The following RMST variants were observed in gnomAD, a reference collection of about 807,000 sequenced individuals.
RMST encodes the protein rhabdomyosarcoma 2 associated transcript.
At chr12:97,524,337 G>T (rs541974270) in intron 10 of RMST, among the ~76,000 whole-genome samples, 1 of 152,138 alleles carries the variant, frequency 6.6e-6, no homozygotes, top group East Asian at 1.9e-4. Context: ...AGTTAGAGAA[G>T]TCCTGGTATA....
intron 5 of RMST, among the ~76,000 whole-genome samples, chr12:97,492,159 C>G (rs1876914994): frequency 6.6e-6 from 1 of 152,180 alleles, no homozygotes; most frequent in Non-Finnish European, 1.5e-5. Context: ...AAGGCAGTAG[C>G]ACTCACTGTT....
At chr12:97,482,580 T>A (rs1324688822) in intron 5 of RMST, among the ~76,000 whole-genome samples, 1 of 149,886 alleles carries the variant, frequency 6.7e-6, no homozygotes, top group East Asian at 1.9e-4. Flanking sequence ...TTAGAAAAAA[T>A]TGATACTCTT....
chr12:97,497,679 A>T (rs1189934727), intron 10 of RMST, among the ~76,000 whole-genome samples: 44 of 143,120 alleles, frequency 3.1e-4, no homozygotes, highest in African/African-American at 9.4e-4. Context: ...CACAAGGATG[A>T]TTTTTTTTTT....
At chr12:97,507,257 G>GT (rs1197266329) in intron 10 of RMST, among the ~76,000 whole-genome samples, 133 of 117,878 alleles carry the variant, frequency 1.1e-3, no homozygotes, top group Admixed American at 3.5e-3. Context: ...GGTTGTTATT[G>GT]TTTTTTTTTT....
At chr12:97,540,935 G>GAAAT (rs1882445794) in intron 11 of RMST, among the ~76,000 whole-genome samples, 3 of 113,028 alleles carry the variant, frequency 2.7e-5, no homozygotes, top group Non-Finnish European at 5.6e-5. Flanking sequence ...AATAGATAGA[G>GAAAT]AGATAGATAG....
chr12:97,473,302 G>A (rs1214791496), intron 5 of RMST, among the ~76,000 whole-genome samples: 1 of 152,036 alleles, frequency 6.6e-6, no homozygotes, highest in Non-Finnish European at 1.5e-5. Context: ...ATGTCATCCT[G>A]TTAGTGATTA....
intron 11 of RMST, among the ~76,000 whole-genome samples, chr12:97,553,420 T>C (rs1002231624): frequency 6.6e-6 from 1 of 152,204 alleles, no homozygotes; most frequent in African/African-American, 2.4e-5. Context: ...GTGGTGCTGT[T>C]GAGCTGTGCA....
At chr12:97,506,726 C>A (rs1309994427) in intron 10 of RMST, among the ~76,000 whole-genome samples, 1 of 145,356 alleles carries the variant, frequency 6.9e-6, no homozygotes, top group African/African-American at 2.6e-5. Context: ...CTCTGTCACC[C>A]AGGGTGGAGT....
intron 6 of RMST, chr12:97,492,654 CA>C (rs1248123745): frequency 1.3e-5 from 2 of 151,954 alleles, no homozygotes; most frequent in Admixed American, 1.3e-4. Context: ...TTTGTTTTTG[CA>C]TTTGTGTTTG....
intron 5 of RMST, among the ~76,000 whole-genome samples, chr12:97,484,241 G>A (rs1297022720): frequency 3.3e-5 from 5 of 152,128 alleles, no homozygotes; most frequent in African/African-American, 1.2e-4. Flanking sequence ...AACCATAAGA[G>A]CTATGCCTGC....
intron 10 of RMST, among the ~76,000 whole-genome samples, chr12:97,512,163 T>A (rs898484778): frequency 2.6e-5 from 4 of 152,152 alleles, no homozygotes; most frequent in Admixed American, 6.5e-5. Context: ...GGAGTGAAGC[T>A]GCAGACTTTC....
At chr12:97,476,898 G>T (rs1205958057) in intron 5 of RMST, among the ~76,000 whole-genome samples, 2 of 152,068 alleles carry the variant, frequency 1.3e-5, no homozygotes, top group Non-Finnish European at 2.9e-5. Flanking sequence ...TATTAAGAAA[G>T]GAATGGAGGA....
intron 11 of RMST, among the ~76,000 whole-genome samples, chr12:97,549,228 G>C (rs1230121521): frequency 6.6e-6 from 1 of 152,182 alleles, no homozygotes; most frequent in Non-Finnish European, 1.5e-5. Context: ...TTTCAGAAAA[G>C]AGTATGTTTT....
chr12:97,494,785 A>G (rs2136459426), exon 9 of RMST: 1 of 152,266 alleles, frequency 6.6e-6, no homozygotes, highest in South Asian at 2.1e-4. Flanking sequence ...ACCAAAGACA[A>G]TGTTCTATAA....
At chr12:97,506,317 G>C (rs1239158380) in intron 10 of RMST, among the ~76,000 whole-genome samples, 3 of 152,012 alleles carry the variant, frequency 2.0e-5, no homozygotes, top group Non-Finnish European at 4.4e-5. Flanking sequence ...TAACATGAGA[G>C]ACATATTGAA....
chr12:97,475,573 G>C (rs74971091), intron 5 of RMST, among the ~76,000 whole-genome samples: 1,668 of 141,212 alleles, frequency 0.012, 30 homozygotes, highest in African/African-American at 0.041. Context: ...ACCCACCTTA[G>C]TATCTTTTTT....
At chr12:97,477,851 C>T (rs139521140) in intron 5 of RMST, among the ~76,000 whole-genome samples, 509 of 152,286 alleles carry the variant, frequency 3.3e-3, no homozygotes, top group Middle Eastern at 0.01. Flanking sequence ...TTGTGTAGTT[C>T]CCCTCTGCCA....
At chr12:97,464,577 A>G (rs4633508) in intron 4 of RMST, among the ~76,000 whole-genome samples, 146,694 of 152,266 alleles carry the variant, frequency 0.96, 70,723 homozygotes, top group East Asian at 1. Flanking sequence ...TCATTGTGGC[A>G]CCTTTTGTAA....
intron 10 of RMST, among the ~76,000 whole-genome samples, chr12:97,518,938 T>TA (rs567029246): frequency 6.3e-4 from 91 of 144,864 alleles, no homozygotes; most frequent in South Asian, 2.0e-3. Context: ...TTCAGCTAAT[T>TA]AAAAAAAAAA....
Sources: allele counts gnomAD v4.1 joint callset (sites outside exome capture counted in the v4.1 genomes callset), GRCh38; gene constraint gnomAD v4.1.1; transcripts MANE v1.5; gene names NCBI Gene and HGNC (gene_info 2026-07-23, HGNC 2026-07-21).